Variants in ADCY9 observed in about 807,000 individuals in gnomAD.
The protein encoded by ADCY9 is adenylate cyclase type 9.
ADCY9 carries 50 observed loss-of-function variants against 101.5 expected under a neutral mutation model. The observed-to-expected ratio is 0.49, with a 90% CI of 0.39 to 0.62. The LOEUF (loss-of-function observed/expected upper bound fraction) is 0.62. Among genes scored for constraint, ADCY9 ranks in the 20% least tolerant of loss-of-function variants. The pLI, the probability that ADCY9 is intolerant of heterozygous loss-of-function variation, is 0.00. For missense variants in ADCY9, 1,662 were observed against 1,800.4 expected, an observed-to-expected ratio of 0.92 and a Z score of 1.39; for synonymous variants, 905 against 769.3, an observed-to-expected ratio of 1.18 and a Z score of -2.92.
intron 2 of ADCY9, among the ~76,000 whole-genome samples, chr16:4,068,644 C>T (rs1050002206): frequency 6.6e-6 from 1 of 151,902 alleles, no homozygotes; most frequent in Non-Finnish European, 1.5e-5. Flanking sequence ...GAAACCCCGT[C>T]TCTACTAAAA....
chr16:3,973,255 C>A (rs2056067657), intron 10 of ADCY9, among the ~76,000 whole-genome samples: 1 of 152,204 alleles, frequency 6.6e-6, no homozygotes, highest in East Asian at 1.9e-4. Context: ...GTCGCCCAGG[C>A]TGGAGTGCAG....
intron 2 of ADCY9, among the ~76,000 whole-genome samples, chr16:4,050,585 A>G (rs1352045214): frequency 1.3e-5 from 2 of 151,712 alleles, no homozygotes; most frequent in Non-Finnish European, 2.9e-5. Flanking sequence ...GTGGTGGCGC[A>G]TGCCTGTAAT....
At position 4,095,055 on chromosome 16, in the gene ADCY9, T is replaced by A. The variant is rs1007988257; in HGVS notation, c.1693+18695A>T. ...ACAGTCTCTGTCACCTAGGCTGGAGTGCAATGGCGCAATCTCAGCTCACTG... is the reference window on the plus strand; with the variant it reads ...ACAGTCTCTGTCACCTAGGCTGGAGAGCAATGGCGCAATCTCAGCTCACTG... On this transcript the variant is annotated intron_variant, in intron 2 of 10. Transcript: ENST00000294016. Among the ~76,000 whole-genome samples the A allele has an allele frequency of 1.2e-3, 178 of 147,980 alleles. 1 individual carries two copies. The highest frequency in any genetic ancestry group is 7.4e-5 in the Non-Finnish European group (5 of 67,568).
At chr16:4,070,870 C>A (rs941607672) in intron 2 of ADCY9, among the ~76,000 whole-genome samples, 1 of 151,850 alleles carries the variant, frequency 6.6e-6, no homozygotes, top group Admixed American at 6.6e-5. Context: ...TACTTTGAGC[C>A]CAGAAGGTCA....
At chr16:4,039,440 A>C (rs1235135461) in intron 2 of ADCY9, among the ~76,000 whole-genome samples, 1 of 152,088 alleles carries the variant, frequency 6.6e-6, no homozygotes, top group African/African-American at 2.4e-5. Context: ...GCACTTTGGG[A>C]GGCTGAGGCA....
In ADCY9 at chr16:4,115,209, C is replaced by G; in HGVS notation, c.234G>C (p.Lys78Asn). The G allele has an allele frequency of 1.2e-6, 2 of 1,613,518 alleles. No homozygotes were observed. The highest frequency in any genetic ancestry group is 1.7e-6 in the Non-Finnish European group (2 of 1,179,822). The change falls in exon 2 of 11, where the codon AAG becomes AAC. Residue 78 changes from lysine (K) to asparagine (N), a missense_variant. By Grantham distance (94) the Lys-to-Asn change is moderately conservative. Transcript: ENST00000294016. This position sits in a 1 kb window ranked among gnomAD's most constrained non-coding sequence, Gnocchi z 6.2. Reference protein sequence around the residue: ...GGGGRLRRQKKLPQLFERASS... With the variant: ...GGGGRLRRQKNLPQLFERASS... ...AGGCCCTCTCGAACAGCTGGGGCAG[C>G]TTCTTCTGCCTGCGCAGCCGGCCTC...
At chr16:3,954,195 C>T (rs955621828) in intron 5 of ADCY9, among the ~76,000 whole-genome samples, 6 of 152,198 alleles carry the variant, frequency 3.9e-5, no homozygotes, top group African/African-American at 1.2e-4. Flanking sequence ...AGCTGCAGGA[C>T]GGGCGTCGCT....
In ADCY9 at chr16:4,070,120, ATGTGTG is replaced by A. The variant is rs58833048; in HGVS notation, c.1693+43624_1693+43629del. ...CTCAAAAAAATATGTATGTGTGTGT[ATGTGTG>A]TGTGTGTGTGTGTGTGTGTACTTTT... On this transcript the variant is annotated intron_variant, in intron 2 of 10. Coordinates refer to ENST00000294016, the MANE Select transcript of ADCY9 (RefSeq NM_001116.4). Among the ~76,000 whole-genome samples, 846 of 149,678 alleles carry A rather than the reference ATGTGTG, an allele frequency of 5.7e-3. 3 individuals are homozygous for A. Among genetic ancestry groups the A allele is most frequent in the Admixed American group, 0.01 (152 of 14,986 alleles).
chr16:4,043,274 G>A (rs148922010), intron 2 of ADCY9, among the ~76,000 whole-genome samples: 1,974 of 152,136 alleles, frequency 0.013, 45 homozygotes, highest in African/African-American at 0.045. Context: ...CTGTGGGGTT[G>A]CTTTAAAAAT....
At chr16:3,956,505 G>A (rs1176672077) in intron 5 of ADCY9, among the ~76,000 whole-genome samples, 3 of 5,894 alleles carry the variant, frequency 5.1e-4, no homozygotes, top group Non-Finnish European at 1.2e-3. Context: ...TTTTTTTTTG[G>A]GGGGGGATGG....
intron 2 of ADCY9, among the ~76,000 whole-genome samples, chr16:4,113,103 G>A (rs1368499521): frequency 6.6e-6 from 1 of 151,442 alleles, no homozygotes; most frequent in Non-Finnish European, 1.5e-5. Flanking sequence ...CTTCACTTAA[G>A]GCAAATACTA....
At position 3,966,194 on chromosome 16, in the gene ADCY9, C is replaced by G. The variant is rs369920383; in HGVS notation, c.3643G>C (p.Val1215Leu). 3 of 1,614,106 alleles carry G rather than the reference C, an allele frequency of 1.9e-6. No homozygotes were observed. The African/African-American group carries it at 4.0e-5, about 22-fold the overall frequency. ...AAGTCATAGCCCATCTTGCTCAAGA[C>G]GCGGTAGCTCTCTTCGCTCACCTGG... ...RIQVSEESYR[V>L]LSKMGYDFDY... The change falls in exon 11 of 11, where the codon GTC becomes CTC. Residue 1215 changes from valine (V) to leucine (L), a missense_variant. Physicochemically the swap from Val to Leu is conservative, Grantham distance 32 (BLOSUM62 1). Coordinates refer to ENST00000294016, the MANE Select transcript of ADCY9 (RefSeq NM_001116.4).
chr16:4,015,323 C>A (rs2056431309), intron 2 of ADCY9, among the ~76,000 whole-genome samples: 1 of 152,026 alleles, frequency 6.6e-6, no homozygotes, highest in Non-Finnish European at 1.5e-5. Flanking sequence ...TAGGGAGAGT[C>A]CAGGAGTCCA....
intron 2 of ADCY9, among the ~76,000 whole-genome samples, chr16:4,040,450 T>G (rs2056619091): frequency 6.9e-6 from 1 of 145,700 alleles, no homozygotes; most frequent in South Asian, 2.2e-4. Context: ...TAAAATGACA[T>G]CTTCTTAATT....
At chr16:4,020,993 T>TAA (rs2056472788) in intron 2 of ADCY9, among the ~76,000 whole-genome samples, 1 of 152,220 alleles carries the variant, frequency 6.6e-6, no homozygotes. Context: ...AGAGCCTATA[T>TAA]AAACACATTA....
At chr16:4,099,026 A>T (rs1250301823) in intron 2 of ADCY9, among the ~76,000 whole-genome samples, 1 of 151,956 alleles carries the variant, frequency 6.6e-6, no homozygotes, top group Non-Finnish European at 1.5e-5. Flanking sequence ...TCTGCCTCCC[A>T]GGTTGAAACA....
chr16:4,052,066 G>A (rs1266681286), intron 2 of ADCY9, among the ~76,000 whole-genome samples: 1 of 152,164 alleles, frequency 6.6e-6, no homozygotes, highest in African/African-American at 2.4e-5. Flanking sequence ...GTGCGTTCCT[G>A]TCGTGACAAC....
In ADCY9 at chr16:3,965,754, G is replaced by A. The variant is rs1162057606; in HGVS notation, c.*21C>T. 6.3e-6 allele frequency: 10 copies of A among 1,590,252 alleles called. No homozygotes were observed. The highest frequency in any genetic ancestry group is 1.8e-5 in the Admixed American group (1 of 56,822). ...TGTGTTTCGACAAACAGAGCACCTC[G>A]GGCAGCGGGTGGGCGCCGCCTCACA... On this transcript the variant is annotated 3_prime_UTR_variant, in exon 11 of 11. Coordinates refer to ENST00000294016, the MANE Select transcript of ADCY9 (RefSeq NM_001116.4).
chr16:4,007,695 C>T (rs2056376406), intron 2 of ADCY9, 137 bp from the exon 3 acceptor site: 5 of 674,860 alleles, frequency 7.4e-6, no homozygotes, highest in Non-Finnish European at 9.5e-6. Context: ...TCATAGTTTA[C>T]GACGGACGTC....
Sources: allele counts gnomAD v4.1 joint callset (sites outside exome capture counted in the v4.1 genomes callset), GRCh38; gene constraint gnomAD v4.1.1; non-coding constraint Gnocchi (gnomAD v3.1); transcripts MANE v1.5; gene names NCBI Gene and HGNC (gene_info 2026-07-23, HGNC 2026-07-21).